PDE8B: variants seen among roughly 807,000 people sequenced by gnomAD.
PDE8B encodes high affinity cAMP-specific and IBMX-insensitive 3',5'-cyclic phosphodiesterase 8B.
Under a neutral mutation model 101.3 loss-of-function variants are expected in PDE8B, and 26 were observed. That is an observed-to-expected ratio of 0.26 (90% CI 0.19 to 0.36). The LOEUF (loss-of-function observed/expected upper bound fraction) is 0.36. Ranked by LOEUF, PDE8B falls within the 10% of genes least tolerant of loss-of-function variation. The pLI is 1.00. For synonymous variants in PDE8B, 424 were observed against 429.3 expected (o/e 0.99, Z 0.15); for missense variants, 810 against 1,163.1 (o/e 0.70, Z 4.42).
intron 10 of PDE8B, among the ~76,000 whole-genome samples, chr5:77,388,477 G>A (rs1049153704): frequency 1.3e-5 from 2 of 152,194 alleles, no homozygotes; most frequent in African/African-American, 4.8e-5. Flanking sequence ...CCAGATGCCA[G>A]CCAGAGCTCT....
the PDE8B span, among the ~76,000 whole-genome samples, chr5:77,107,417 C>G: frequency 6.6e-6 from 1 of 152,148 alleles, no homozygotes; most frequent in African/African-American, 2.4e-5. Flanking sequence ...AGCTTTTTCT[C>G]CTCCATAGAT....
chr5:77,240,400 G>A (rs577049203), intron 1 of PDE8B, among the ~76,000 whole-genome samples: 23 of 152,234 alleles, frequency 1.5e-4, no homozygotes, highest in African/African-American at 5.1e-4. Flanking sequence ...TGATCCGCCC[G>A]CCTCGGCCTC....
At chr5:77,347,835 C>T (rs535706513) in intron 7 of PDE8B, among the ~76,000 whole-genome samples, 2 of 152,034 alleles carry the variant, frequency 1.3e-5, no homozygotes, top group East Asian at 1.9e-4. Flanking sequence ...GGGAAAGGCC[C>T]GGAGATGAGA....
the PDE8B span, among the ~76,000 whole-genome samples, chr5:77,190,129 C>A: frequency 6.6e-6 from 1 of 152,172 alleles, no homozygotes; most frequent in Admixed American, 6.5e-5. Context: ...CTTATTAATT[C>A]TTCTCCATGA....
At chr5:77,206,215 C>G (rs1043321202), upstream of PDE8B, among the ~76,000 whole-genome samples, 1 of 152,152 alleles carries the variant, frequency 6.6e-6, no homozygotes, top group African/African-American at 2.4e-5. Flanking sequence ...AGGCACTGTT[C>G]CAAAAGTATG....
intron 21 of PDE8B, 131 bp downstream of exon 21, chr5:77,426,027 C>A: frequency 1.2e-6 from 1 of 868,672 alleles, no homozygotes; most frequent in Non-Finnish European, 1.9e-6. Flanking sequence ...CTTTTTGTGG[C>A]CAAGTGGGGT....
the PDE8B span, among the ~76,000 whole-genome samples, chr5:77,125,954 T>G: frequency 6.6e-6 from 1 of 152,222 alleles, no homozygotes; most frequent in Non-Finnish European, 1.5e-5. Flanking sequence ...GCAAATTTTA[T>G]GTTCTGTATA....
chr5:77,156,409 G>C, the PDE8B span, among the ~76,000 whole-genome samples: 2 of 152,212 alleles, frequency 1.3e-5, no homozygotes, highest in Admixed American at 6.5e-5. Flanking sequence ...GACTGTCAAT[G>C]TAGGTAGATT....
intron 10 of PDE8B, among the ~76,000 whole-genome samples, chr5:77,366,296 G>A (rs1223110426): frequency 1.3e-5 from 2 of 152,168 alleles, no homozygotes; most frequent in Non-Finnish European, 1.5e-5. Context: ...AAAACTCCAA[G>A]TCTTGTTTCT....
At chr5:77,128,451 G>T in the PDE8B span, among the ~76,000 whole-genome samples, 2 of 152,212 alleles carry the variant, frequency 1.3e-5, no homozygotes, top group Middle Eastern at 3.2e-3. Context: ...CTCAGAAGTA[G>T]TAATTGCCCA....
At chr5:77,252,024 C>T (rs761195861) in intron 1 of PDE8B, among the ~76,000 whole-genome samples, 21 of 152,326 alleles carry the variant, frequency 1.4e-4, no homozygotes, top group Non-Finnish European at 2.1e-4. Context: ...TACTGGCTCT[C>T]GCCTGTGTGG....
chr5:77,217,547 T>A (rs578075253), intron 1 of PDE8B, among the ~76,000 whole-genome samples: 1 of 152,216 alleles, frequency 6.6e-6, no homozygotes, highest in Admixed American at 6.5e-5. Flanking sequence ...CCAATTTTTT[T>A]TTTTTTTGAG....
intron 10 of PDE8B, among the ~76,000 whole-genome samples, chr5:77,397,026 AT>A (rs71606290): frequency 0.013 from 1,083 of 84,364 alleles, 9 homozygotes; most frequent in Non-Finnish European, 0.017. Flanking sequence ...CCGATAAGAA[AT>A]TTTTTTTTTT....
chr5:77,222,577 T>TC (rs1751370461), intron 1 of PDE8B, among the ~76,000 whole-genome samples: 1 of 152,136 alleles, frequency 6.6e-6, no homozygotes, highest in African/African-American at 2.4e-5. Flanking sequence ...GAGTGGAGAC[T>TC]CCATCTCAAA....
At chr5:77,403,102 C>T (rs888687044) in intron 11 of PDE8B, among the ~76,000 whole-genome samples, 1 of 152,126 alleles carries the variant, frequency 6.6e-6, no homozygotes, top group Non-Finnish European at 1.5e-5. Flanking sequence ...GAAGCAAATG[C>T]GCTGAAAATG....
intron 20 of PDE8B, among the ~76,000 whole-genome samples, chr5:77,425,228 T>C (rs1209045941): frequency 1.3e-5 from 2 of 152,186 alleles, no homozygotes; most frequent in African/African-American, 4.8e-5. Context: ...CTAAGTACCC[T>C]GAGATCAATG....
intron 6 of PDE8B, among the ~76,000 whole-genome samples, chr5:77,342,173 C>T (rs192101733): frequency 6.6e-6 from 1 of 152,238 alleles, no homozygotes; most frequent in Non-Finnish European, 1.5e-5. Flanking sequence ...TTTTGAAAGC[C>T]TTAGAGAACA....
intron 1 of PDE8B, among the ~76,000 whole-genome samples, chr5:77,247,360 C>T (rs1379875788): frequency 1.3e-5 from 2 of 152,194 alleles, no homozygotes; most frequent in Non-Finnish European, 2.9e-5. Context: ...TGCAGTCACG[C>T]AGGGTGCCTC....
chr5:77,096,617 C>A, the PDE8B span, among the ~76,000 whole-genome samples: 1 of 152,158 alleles, frequency 6.6e-6, no homozygotes, highest in African/African-American at 2.4e-5. Context: ...ATGACTGAAA[C>A]ATTTCCCACT....
Sources: gnomAD v4.1 joint callset for allele counts (sites outside exome capture counted in the v4.1 genomes callset) on GRCh38, gnomAD v4.1.1 for gene constraint, MANE v1.5 for transcripts, NCBI Gene and HGNC (gene_info 2026-07-23, HGNC 2026-07-21) for gene names.